RBMS2: variants seen among roughly 807,000 people sequenced by gnomAD.
The protein encoded by RBMS2 is RNA-binding motif, single-stranded-interacting protein 2.
A neutral mutation model predicts 58.4 loss-of-function variants in RBMS2; 38 were observed. The ratio of observed to expected loss-of-function variants is 0.65; its 90% CI spans 0.50 to 0.85. The LOEUF (loss-of-function observed/expected upper bound fraction) is 0.85. Among genes scored for constraint, RBMS2 ranks in the 40% least tolerant of loss-of-function variants. The pLI is 0.00. For synonymous variants in RBMS2, 151 were observed against 180.7 expected (o/e 0.84, Z 1.32); for missense variants, 367 against 503.7 (o/e 0.73, Z 2.60).
chr12:56,525,736 A>G (rs569227050), intron 1 of RBMS2, among the ~76,000 whole-genome samples: 1 of 151,414 alleles, frequency 6.6e-6, no homozygotes, highest in South Asian at 2.1e-4. Context: ...ATCTCAGCTC[A>G]CTGCAACCTC....
intron 1 of RBMS2, among the ~76,000 whole-genome samples, chr12:56,523,045 T>G (rs1193101011): frequency 6.6e-6 from 1 of 152,202 alleles, no homozygotes; most frequent in African/African-American, 2.4e-5. Context: ...TGCTTTCTCA[T>G]GTACCTAATG....
At chr12:56,585,497 T>G (rs982286357) in intron 9 of RBMS2, among the ~76,000 whole-genome samples, 1 of 152,242 alleles carries the variant, frequency 6.6e-6, no homozygotes, top group Admixed American at 6.5e-5. Context: ...ACAATATGAT[T>G]TTTTTGCGTC....
chr12:56,563,235 A>G (rs189830702), intron 2 of RBMS2, among the ~76,000 whole-genome samples: 363 of 152,344 alleles, frequency 2.4e-3, no homozygotes, highest in African/African-American at 8.4e-3. Flanking sequence ...CTAATATCCA[A>G]CTTTATTTCC....
chr12:56,562,470 A>G lies in RBMS2; in HGVS notation c.120A>G (p.Thr40=). ...QMAPPSPSNS[T]PNSSSGSNGN... is the part of the protein sequence containing the mutation. Reference sequence around the variant, plus strand: ...CACCACCTAGCCCAAGCAACAGTACACCTAACAGCAGTAGTGGAAGCAATG... The same window carrying G: ...CACCACCTAGCCCAAGCAACAGTACGCCTAACAGCAGTAGTGGAAGCAATG... Residue 40 remains threonine, a synonymous_variant, in exon 2 of 14, where the codon ACA becomes ACG. Transcript: ENST00000262031. 1 of 1,607,604 alleles carries G rather than the reference A, an allele frequency of 6.2e-7. No individual in the cohort carries two copies. The highest frequency in any genetic ancestry group is 8.5e-7 in the Non-Finnish European group (1 of 1,174,050).
At chr12:56,554,852 T>C (rs561817286) in intron 1 of RBMS2, among the ~76,000 whole-genome samples, 1 of 152,338 alleles carries the variant, frequency 6.6e-6, no homozygotes, top group South Asian at 2.1e-4. Context: ...CAGGAAAAGA[T>C]ACATGGATGT....
intron 5 of RBMS2, among the ~76,000 whole-genome samples, chr12:56,577,214 G>A (rs1362362555): frequency 6.6e-6 from 1 of 151,786 alleles, no homozygotes; most frequent in Non-Finnish European, 1.5e-5. Flanking sequence ...GACCAGCCTG[G>A]TCAACTCGGT....
chr12:56,573,593 A>G (rs1452512546), intron 5 of RBMS2, among the ~76,000 whole-genome samples: 1 of 151,574 alleles, frequency 6.6e-6, no homozygotes, highest in Non-Finnish European at 1.5e-5. Context: ...TCTAAAGGAG[A>G]GTTCCTAGGC....
At chr12:56,538,568 C>T (rs928254483) in intron 1 of RBMS2, among the ~76,000 whole-genome samples, 18 of 150,570 alleles carry the variant, frequency 1.2e-4, no homozygotes, top group African/African-American at 3.7e-4. Context: ...CTGCAACCTC[C>T]GCCTCCCGGG....
At chr12:56,535,216 C>A (rs774476573) in intron 1 of RBMS2, among the ~76,000 whole-genome samples, 1 of 151,968 alleles carries the variant, frequency 6.6e-6, no homozygotes, top group Non-Finnish European at 1.5e-5. Flanking sequence ...AGGTCTTGGA[C>A]GGGTGCAGTA....
intron 11 of RBMS2, among the ~76,000 whole-genome samples, 184 bp from the exon 12 acceptor site, chr12:56,588,110 G>GA (rs1265872705): frequency 6.6e-6 from 1 of 152,176 alleles, no homozygotes; most frequent in Non-Finnish European, 1.5e-5. Flanking sequence ...CATATAGGGA[G>GA]ACGTCTCCCT....
chr12:56,567,897 C>A (rs1187348557), intron 2 of RBMS2, among the ~76,000 whole-genome samples: 1 of 152,018 alleles, frequency 6.6e-6, no homozygotes. Context: ...ACTCTCAAAT[C>A]TTGACAATGA....
chr12:56,532,849 T>C (rs1874022080), intron 1 of RBMS2, among the ~76,000 whole-genome samples: 1 of 152,192 alleles, frequency 6.6e-6, no homozygotes, highest in Non-Finnish European at 1.5e-5. Context: ...CACATGAATT[T>C]CTCCATCTCA....
intron 7 of RBMS2, 137 bp downstream of exon 7, chr12:56,581,645 T>A: frequency 8.9e-7 from 1 of 1,126,454 alleles, no homozygotes; most frequent in Non-Finnish European, 1.3e-6. Context: ...GCTGTGAACA[T>A]ACTGCCAGTT....
At position 56,590,027 on chromosome 12, in the gene RBMS2, G is replaced by A. The variant is rs554227746; in HGVS notation, c.*894G>A. On this transcript the variant is annotated 3_prime_UTR_variant, in exon 14 of 14. Coordinates refer to ENST00000262031, the MANE Select transcript of RBMS2 (RefSeq NM_002898.4). ...TAAAGAGACAACTCCACAGCCCTGG[G>A]AACACACCCTTGAGCCAAACTTGGT... 6.6e-6 allele frequency: 1 copy of A among 152,320 alleles called. No homozygotes were observed. The highest frequency in any genetic ancestry group is 1.9e-4 in the East Asian group (1 of 5,180). 9.4% of individuals were successfully genotyped at this position (152,320 alleles called of 1,614,324 possible). A position where few individuals can be genotyped will look rare whatever the true frequency, so the allele number is the denominator to read the frequency against.
intron 9 of RBMS2, among the ~76,000 whole-genome samples, chr12:56,584,658 A>G (rs1042795269): frequency 1.3e-5 from 2 of 151,484 alleles, no homozygotes; most frequent in African/African-American, 4.9e-5. Context: ...GGTGGTGGGC[A>G]CCTGTAGTCC....
intron 1 of RBMS2, among the ~76,000 whole-genome samples, chr12:56,532,473 T>A (rs11171884): frequency 6.6e-6 from 1 of 151,324 alleles, no homozygotes; most frequent in Non-Finnish European, 1.5e-5. Context: ...ACCTGGGAGA[T>A]GGAGGTTGCA....
At chr12:56,551,497 GTCT>G (rs1260038582) in intron 1 of RBMS2, among the ~76,000 whole-genome samples, 1 of 152,162 alleles carries the variant, frequency 6.6e-6, no homozygotes, top group East Asian at 1.9e-4. Flanking sequence ...CTAGGTATGA[GTCT>G]TCTTATGAAG....
intron 1 of RBMS2, among the ~76,000 whole-genome samples, chr12:56,541,331 A>G (rs1384441281): frequency 2.0e-5 from 3 of 152,194 alleles, no homozygotes; most frequent in Non-Finnish European, 4.4e-5. Flanking sequence ...GACATTAATT[A>G]GGAATGAAAT....
intron 5 of RBMS2, among the ~76,000 whole-genome samples, chr12:56,577,110 A>G (rs911877075): frequency 2.7e-5 from 4 of 150,934 alleles, no homozygotes; most frequent in African/African-American, 9.7e-5. Context: ...ATATATTAAA[A>G]TGTTCATACA....
Sources: gnomAD v4.1 joint callset for allele counts (sites outside exome capture counted in the v4.1 genomes callset) on GRCh38, gnomAD v4.1.1 for gene constraint, MANE v1.5 for transcripts, NCBI Gene and HGNC (gene_info 2026-07-23, HGNC 2026-07-21) for gene names.